HIF3A: variants seen among roughly 807,000 people sequenced by gnomAD.
HIF3A encodes hypoxia inducible factor 3 subunit alpha.
Under a neutral mutation model 67.2 loss-of-function variants are expected in HIF3A, and 41 were observed. The observed-to-expected ratio is 0.61, with a 90% CI of 0.48 to 0.79. The LOEUF is 0.79. Ranked by LOEUF, HIF3A falls within the 30% of genes least tolerant of loss-of-function variation. HIF3A has a pLI of 0.00. For synonymous variants in HIF3A, 356 were observed against 374.8 expected, an observed-to-expected ratio of 0.95 and a Z score of 0.58; for missense variants, 855 against 898.0, an observed-to-expected ratio of 0.95 and a Z score of 0.61.
At chr19:46,327,696 C>G (rs1488777224) in intron 11 of HIF3A, among the ~76,000 whole-genome samples, 1 of 152,158 alleles carries the variant, frequency 6.6e-6, no homozygotes, top group Non-Finnish European at 1.5e-5. Context: ...GACCAGCTGC[C>G]TACCAATGTG....
At position 46,309,370 on chromosome 19, in the gene HIF3A, G is replaced by C; in HGVS notation, c.770+11G>C. 2 of 1,583,740 alleles carry C rather than the reference G, an allele frequency of 1.3e-6. No individual in the cohort carries two copies. The highest frequency in any genetic ancestry group is 1.7e-6 in the Non-Finnish European group (2 of 1,164,592). On this transcript the variant is annotated intron_variant, in intron 6 of 14. Coordinates refer to ENST00000377670, the MANE Select transcript of HIF3A (RefSeq NM_152795.4). ...CTACTGTGACGACAGGTGGGCAGGG[G>C]CCCCCTCTTCCGTCTGCCCAAGTTC...
intron 12 of HIF3A, among the ~76,000 whole-genome samples, chr19:46,330,165 A>G (rs1243641702): frequency 2.0e-5 from 3 of 152,112 alleles, no homozygotes; most frequent in African/African-American, 4.8e-5. Context: ...ACATCTTGGT[A>G]TCTCCCAAGG....
At chr19:46,335,276 A>ATTTATTTATTTT (rs1280407249) in intron 14 of HIF3A, among the ~76,000 whole-genome samples, 1 of 150,468 alleles carries the variant, frequency 6.6e-6, no homozygotes, top group African/African-American at 2.4e-5. Context: ...TTATTTATTT[A>ATTTATTTATTTT]TTTATTTTTT....
chr19:46,317,615 A>T (rs1425412236), intron 8 of HIF3A, among the ~76,000 whole-genome samples: 1 of 151,958 alleles, frequency 6.6e-6, no homozygotes, highest in Non-Finnish European at 1.5e-5. Context: ...CAGCTCAGAC[A>T]TCACTTCTGG....
chr19:46,333,608 C>T (rs1192249973), intron 13 of HIF3A, among the ~76,000 whole-genome samples: 1 of 151,976 alleles, frequency 6.6e-6, no homozygotes, highest in African/African-American at 2.4e-5. Flanking sequence ...GGGGATGAGG[C>T]CCTGGAGGAA....
At position 46,325,584 on chromosome 19, in the gene HIF3A, T is replaced by C; in HGVS notation, c.1385T>C (p.Leu462Pro). ...LPVGTENVHR[L>P]FTSGKDTEAV... ...GTGGGCACCGAGAATGTGCACAGAC[T>C]CTTCACCTCCGGGAAAGACACTGAG... Residue 462 changes from leucine to proline, a missense_variant, in exon 11 of 15, where the codon CTC (leucine) becomes CCC (proline). By Grantham distance (98) the Leu-to-Pro change is moderately conservative. Around this residue, in one of 3 missense-constraint regions of HIF3A, gnomAD observed 638 missense variants for 660.5 expected, o/e 0.97. Transcript: ENST00000377670. 1 of 1,613,488 alleles carries C rather than the reference T, an allele frequency of 6.2e-7. No individual in the cohort carries two copies. Among genetic ancestry groups the C allele is most frequent in the Middle Eastern group, 1.6e-4 (1 of 6,062 alleles).
intron 10 of HIF3A, among the ~76,000 whole-genome samples, chr19:46,323,051 T>G (rs1427978850): frequency 2.0e-5 from 3 of 150,882 alleles, no homozygotes; most frequent in East Asian, 2.0e-4. Flanking sequence ...TGGTTTTTTT[T>G]TTGTTGTTTT....
chr19:46,307,599 T>C (rs1015674555), intron 3 of HIF3A, among the ~76,000 whole-genome samples: 1 of 151,860 alleles, frequency 6.6e-6, no homozygotes, highest in Non-Finnish European at 1.5e-5. Flanking sequence ...AATACAAAAA[T>C]TAGCCGGGTG....
intron 6 of HIF3A, 124 bp from the exon 7 acceptor site, chr19:46,312,037 G>T (rs768900434): frequency 3.7e-6 from 3 of 803,774 alleles, no homozygotes; most frequent in Admixed American, 3.4e-5. Flanking sequence ...CTTTTCTCTC[G>T]GTTACAATCC....
chr19:46,325,755 C>A, intron 11 of HIF3A, 116 bp downstream of exon 11: 1 of 680,460 alleles, frequency 1.5e-6, no homozygotes. Flanking sequence ...GATGGATGGA[C>A]CATTGTATTC....
chr19:46,299,842 G>A (rs1395995985), intron 1 of HIF3A, among the ~76,000 whole-genome samples: 1 of 152,096 alleles, frequency 6.6e-6, no homozygotes, highest in African/African-American at 2.4e-5. Context: ...CCCAACAGGT[G>A]TGCCACAAAC....
Position 46,304,031 on chromosome 19 carries a change from G to T in HIF3A, c.160G>T (p.Ala54Ser). Residue 54 changes from alanine (A) to serine (S), a missense_variant, in exon 2 of 15, where the codon GCC becomes TCC. By Grantham distance (99) the Ala-to-Ser change is moderately conservative. Coordinates refer to ENST00000377670, the MANE Select transcript of HIF3A (RefSeq NM_152795.4). ...ARGVSAHLDK[A>S]SIMRLTISYL... ...CGGCGTCAGCGCCCACCTGGACAAG[G>T]CCTCTATCATGCGCCTCACCATCAG... The T allele has an allele frequency of 6.3e-7, 1 of 1,591,576 alleles. No individual in the cohort carries two copies.
At position 46,312,612 on chromosome 19, in the gene HIF3A, C is replaced by T. The variant is rs1969542449; in HGVS notation, c.984C>T (p.Gly328=). The part of the protein sequence containing the change: ...TQATVVSGGR[G]PQSESIVCVH... ...CCACAGTGGTGTCAGGGGGACGGGG[C>T]CCCCAGTCGGAGAGTATCGTCTGTG... Residue 328 remains glycine (G), a synonymous_variant, in exon 8 of 15, where the codon GGC becomes GGT. Coordinates refer to ENST00000377670, the MANE Select transcript of HIF3A (RefSeq NM_152795.4). 6.3e-6 allele frequency: 10 copies of T among 1,590,950 alleles called. No homozygotes were observed. Among genetic ancestry groups the T allele is most frequent in the Non-Finnish European group, 8.6e-6 (10 of 1,168,314 alleles).
chr19:46,336,995 T>A (rs115426407), intron 14 of HIF3A, among the ~76,000 whole-genome samples: 2,679 of 151,816 alleles, frequency 0.018, 84 homozygotes, highest in African/African-American at 0.061. Context: ...TCAAAAAATA[T>A]AAATATAAAT....
chr19:46,318,377 C>T (rs1260968753), intron 8 of HIF3A, among the ~76,000 whole-genome samples: 1 of 151,370 alleles, frequency 6.6e-6, no homozygotes, highest in Non-Finnish European at 1.5e-5. Flanking sequence ...TAGGGAGACC[C>T]CATCTTTACA....
intron 1 of HIF3A, among the ~76,000 whole-genome samples, chr19:46,299,352 C>A (rs1225475958): frequency 6.6e-6 from 1 of 152,228 alleles, no homozygotes; most frequent in Non-Finnish European, 1.5e-5. Context: ...GGGTTCAAAT[C>A]CCATCTCACC....
intron 10 of HIF3A, among the ~76,000 whole-genome samples, chr19:46,324,205 A>G (rs1437085365): frequency 6.6e-6 from 1 of 152,202 alleles, no homozygotes; most frequent in Non-Finnish European, 1.5e-5. Flanking sequence ...CTTCACCTAT[A>G]AAAGAAAGAT....
chr19:46,336,625 G>A (rs972577467), intron 14 of HIF3A, among the ~76,000 whole-genome samples: 1 of 152,010 alleles, frequency 6.6e-6, no homozygotes, highest in African/African-American at 2.4e-5. Flanking sequence ...GAGCTCAAGC[G>A]ATCCACTCAT....
intron 14 of HIF3A, among the ~76,000 whole-genome samples, chr19:46,335,218 G>A (rs902977564): frequency 3.9e-5 from 6 of 151,906 alleles, no homozygotes; most frequent in Admixed American, 1.3e-4. Context: ...CCCGAGCCTA[G>A]GTCTCTGGAG....
Sources: gnomAD v4.1 joint callset for allele counts (sites outside exome capture counted in the v4.1 genomes callset) on GRCh38, gnomAD v4.1.1 for gene constraint, gnomAD v4.1.1 regional missense constraint, MANE v1.5 for transcripts, NCBI Gene and HGNC (gene_info 2026-07-23, HGNC 2026-07-21) for gene names.